The following GNAO1 variants were observed in gnomAD, a reference collection of about 807,000 sequenced individuals.
GNAO1 encodes the protein guanine nucleotide-binding protein G(o) subunit alpha.
For synonymous variants in GNAO1, 164 were observed against 180.7 expected (o/e 0.91, Z 0.74); for missense variants, 166 against 478.7 (o/e 0.35, Z 6.10).
chr16:56,247,706 C>T (rs1256175494), intron 2 of GNAO1, among the ~76,000 whole-genome samples: 6 of 152,022 alleles, frequency 3.9e-5, no homozygotes, highest in African/African-American at 1.5e-4. Context: ...ACTTGTCTCC[C>T]GAGGGAGAAG....
At chr16:56,334,972 G>A (rs2037726876) in intron 5 of GNAO1, 115 bp downstream of exon 5, 1 of 1,089,716 alleles carries the variant, frequency 9.2e-7, no homozygotes, top group South Asian at 1.5e-5. Flanking sequence ...GGAACCTGCG[G>A]GCTGGGGCAG....
At chr16:56,244,031 G>T (rs1259785423) in intron 2 of GNAO1, among the ~76,000 whole-genome samples, 1 of 152,182 alleles carries the variant, frequency 6.6e-6, no homozygotes, top group Non-Finnish European at 1.5e-5. Context: ...TTTGTGTTCT[G>T]TCTGTGGTCA....
chr16:56,217,079 T>A (rs1427492703), intron 2 of GNAO1, among the ~76,000 whole-genome samples: 1 of 152,228 alleles, frequency 6.6e-6, no homozygotes, highest in Admixed American at 6.5e-5. Flanking sequence ...ACTGAACAGA[T>A]CTCATTTGGA....
chr16:56,208,457 GCGCA>G (rs1567438687), intron 2 of GNAO1, among the ~76,000 whole-genome samples: 10 of 146,512 alleles, frequency 6.8e-5, no homozygotes, highest in Non-Finnish European at 4.5e-5. Context: ...GTGCGCGCGC[GCGCA>G]CGTGTGTGTG....
chr16:56,201,193 C>T lies in GNAO1; in HGVS notation c.161+8577C>T, dbSNP rs115627883. ...TGTGCTATGGTAGAACAGAAGGCAC[C>T]TTCTCTAGGCAGGAAGTTCAGGGAA... On this transcript the variant is annotated intron_variant, in intron 2 of 8. Transcript: ENST00000262493. Among the ~76,000 whole-genome samples, 495 of 152,208 alleles carry T rather than the reference C, an allele frequency of 3.3e-3. 4 individuals carry two copies. Among genetic ancestry groups the T allele is most frequent in the African/African-American group, 0.011 (468 of 41,524 alleles).
intron 2 of GNAO1, among the ~76,000 whole-genome samples, chr16:56,241,115 G>A (rs2036690027): frequency 6.6e-6 from 1 of 152,224 alleles, no homozygotes; most frequent in South Asian, 2.1e-4. Flanking sequence ...TGCAGCCCAA[G>A]CGGAGCATGC....
chr16:56,328,876 G>A, intron 4 of GNAO1, 85 bp downstream of exon 4: 1 of 1,421,028 alleles, frequency 7.0e-7, no homozygotes, highest in Non-Finnish European at 9.8e-7. Flanking sequence ...GGCAGAGCAA[G>A]GAGGATTCTC....
intron 2 of GNAO1, among the ~76,000 whole-genome samples, chr16:56,237,482 GT>G (rs1342707665): frequency 6.6e-6 from 1 of 152,090 alleles, no homozygotes; most frequent in Non-Finnish European, 1.5e-5. Flanking sequence ...GAAACCATGC[GT>G]TCTGGTGGCC....
chr16:56,225,033 A>G (rs1269689699), intron 2 of GNAO1, among the ~76,000 whole-genome samples: 2 of 152,208 alleles, frequency 1.3e-5, no homozygotes, highest in African/African-American at 4.8e-5. Context: ...GACAGCTGAT[A>G]GTGTCCCCCA....
At chr16:56,290,616 A>G (rs1433152012) in intron 3 of GNAO1, among the ~76,000 whole-genome samples, 3 of 152,134 alleles carry the variant, frequency 2.0e-5, no homozygotes, top group Non-Finnish European at 4.4e-5. Flanking sequence ...CTGAATTGAA[A>G]CCACACCTGC....
intron 2 of GNAO1, among the ~76,000 whole-genome samples, chr16:56,237,785 C>T (rs1483853242): frequency 1.3e-5 from 2 of 152,046 alleles, no homozygotes; most frequent in Non-Finnish European, 2.9e-5. Context: ...AAAATGGACA[C>T]ATTATGAAGC....
chr16:56,284,512 G>T (rs949458785), intron 3 of GNAO1, among the ~76,000 whole-genome samples: 1 of 152,204 alleles, frequency 6.6e-6, no homozygotes, highest in South Asian at 2.1e-4. Context: ...TTTCAGTATG[G>T]GAAAGAAAGA....
chr16:56,243,104 A>C (rs757907792), intron 2 of GNAO1, among the ~76,000 whole-genome samples: 1 of 150,960 alleles, frequency 6.6e-6, no homozygotes, highest in African/African-American at 2.4e-5. Context: ...ACTGTCTCCC[A>C]TCACCCCTAG....
rs2036181526 is a variant in GNAO1, at chr16:56,192,166, G to C, written c.-70G>C. The stretch of plus-strand genomic sequence containing the variant: ...AGCCCAGGCTCTGCTCTCTGGGGGG[G>C]TGGGGGGCGCTCCAAGCCGGGGAGC... On this transcript the variant is annotated 5_prime_UTR_variant, in exon 1 of 9. Transcript: ENST00000262493. 1.2e-6 allele frequency: 1 copy of C among 848,094 alleles called. No homozygotes were observed. The highest frequency in any genetic ancestry group is 2.0e-6 in the Non-Finnish European group (1 of 510,842). 52.5% of individuals were successfully genotyped at this position (848,094 alleles called of 1,614,324 possible). A position where few individuals can be genotyped will look rare whatever the true frequency, so the allele number is the denominator to read the frequency against.
intron 3 of GNAO1, among the ~76,000 whole-genome samples, chr16:56,328,299 A>G (rs1433201016): frequency 6.6e-6 from 1 of 151,974 alleles, no homozygotes; most frequent in African/African-American, 2.4e-5. Flanking sequence ...AGCCAGGCCC[A>G]CTCTGCCTTC....
chr16:56,315,475 C>A (rs2143616626), intron 3 of GNAO1, among the ~76,000 whole-genome samples: 1 of 152,240 alleles, frequency 6.6e-6, no homozygotes, highest in South Asian at 2.1e-4. Context: ...CACCTTAAAG[C>A]TTTTTTGGGA....
chr16:56,327,480 G>T (rs1025813914), intron 3 of GNAO1, among the ~76,000 whole-genome samples: 1 of 152,138 alleles, frequency 6.6e-6, no homozygotes, highest in Admixed American at 6.5e-5. Flanking sequence ...CGCTCCTGAG[G>T]TGGGGGAGGT....
At chr16:56,287,823 A>G (rs2037188467) in intron 3 of GNAO1, among the ~76,000 whole-genome samples, 1 of 152,030 alleles carries the variant, frequency 6.6e-6, no homozygotes, top group African/African-American at 2.4e-5. Context: ...AGGGCCCAGC[A>G]TGGCCTGAGA....
chr16:56,263,359 C>T (rs1476401524), intron 2 of GNAO1, among the ~76,000 whole-genome samples: 1 of 152,230 alleles, frequency 6.6e-6, no homozygotes, highest in Non-Finnish European at 1.5e-5. Context: ...GATCATTCGC[C>T]ATGTACCAAG....
Sources: gnomAD v4.1 joint callset for allele counts (sites outside exome capture counted in the v4.1 genomes callset) on GRCh38, gnomAD v4.1.1 for gene constraint, MANE v1.5 for transcripts, NCBI Gene and HGNC (gene_info 2026-07-23, HGNC 2026-07-21) for gene names.